Variants in BCOR observed in about 807,000 individuals in gnomAD.
BCOR encodes the protein BCL6 corepressor.
In BCOR, 10 loss-of-function variants were observed where a neutral mutation model predicts 86.7. The observed-to-expected ratio is 0.12, with a 90% confidence interval of 0.07 to 0.20. The LOEUF is 0.20. BCOR is among the 10% of genes least tolerant of loss of function. The probability of loss-of-function intolerance (pLI) is 1.00; values close to 1 mark genes in which losing one functional copy is unlikely to be tolerated. For synonymous variants in BCOR, 611 were observed against 609.0 expected, an observed-to-expected ratio of 1.00 and a Z score of -0.05; for missense variants, 1,259 against 1,452.1, an observed-to-expected ratio of 0.87 and a Z score of 2.16.
intron 14 of BCOR, 66 bp from the exon 15 acceptor site, chrX:40,052,466 A>G: frequency 9.4e-7 from 1 of 1,069,347 alleles, no homozygotes; most frequent in Admixed American, 2.3e-5. Flanking sequence ...AACTATTAAT[A>G]TTAACTACCA....
At chrX:40,154,359 C>T (rs1411421632) in intron 1 of BCOR, among the ~76,000 whole-genome samples, 1 of 111,244 alleles carries the variant, frequency 9.0e-6, no homozygotes, top group Non-Finnish European at 1.9e-5. Flanking sequence ...GCTTGATGTG[C>T]CCGCGGAGCG....
At chrX:40,108,822 T>C (rs1840974988) in intron 1 of BCOR, among the ~76,000 whole-genome samples, 1 of 113,033 alleles carries the variant, frequency 8.8e-6, no homozygotes, top group African/African-American at 3.2e-5. Flanking sequence ...GGCACCCTCT[T>C]CCCTCAGCCC....
chrX:40,076,862 C>G (rs746106583), intron 2 of BCOR: 1 of 327,891 alleles, frequency 3.0e-6, no homozygotes, highest in Non-Finnish European at 5.8e-6. Flanking sequence ...CCAATCGGAG[C>G]TCGGCTGTCC....
intron 3 of BCOR, 113 bp from the exon 4 acceptor site, chrX:40,075,293 G>A (rs1935747731): frequency 2.4e-6 from 1 of 421,877 alleles, no homozygotes; most frequent in Non-Finnish European, 3.9e-6. Flanking sequence ...AAGCACAAAG[G>A]GTTAAAGACA....
intron 1 of BCOR, among the ~76,000 whole-genome samples, chrX:40,109,979 C>A (rs1418874107): frequency 8.9e-6 from 1 of 112,245 alleles, no homozygotes; most frequent in Non-Finnish European, 1.9e-5. Flanking sequence ...CGGGGACGGC[C>A]GGGTCCCCGG....
At chrX:40,075,372 C>T (rs1935756849) in intron 3 of BCOR, among the ~76,000 whole-genome samples, 192 bp from the exon 4 acceptor site, 1 of 111,401 alleles carries the variant, frequency 9.0e-6, no homozygotes, top group African/African-American at 3.3e-5. Flanking sequence ...TTGCTGCCTG[C>T]CTTCTCACCT....
In BCOR at chrX:40,074,780, A is replaced by C. The variant is rs1935706236; in HGVS notation, c.566T>G (p.Leu189Arg). Residue 189 changes from leucine (L) to arginine (R), a missense_variant, in exon 4 of 15, where the codon CTG becomes CGG. Physicochemically the swap from Leu to Arg is moderately radical, Grantham distance 102. Around this residue, in one of 7 missense-constraint regions of BCOR, gnomAD observed 174 missense variants for 189.3 expected, o/e 0.92. Coordinates refer to ENST00000378444, the MANE Select transcript of BCOR (RefSeq NM_001123385.2). ...CTCCATGTAAGGATTGACCCAGGGC[A>C]GCCGCAGATAACTAGCACCATTGAT... ...LNINGASYLRLPWVNPYMEGA... is the reference protein window; with the variant it reads ...LNINGASYLRRPWVNPYMEGA... The C allele has an allele frequency of 8.3e-7, 1 of 1,210,064 alleles. No homozygotes were observed. Among genetic ancestry groups the C allele is most frequent in the Admixed American group, 2.2e-5 (1 of 45,849 alleles).
At chrX:40,113,668 A>G (rs950317451) in intron 1 of BCOR, among the ~76,000 whole-genome samples, 3 of 111,302 alleles carry the variant, frequency 2.7e-5, no homozygotes, top group Non-Finnish European at 5.7e-5. Context: ...ATCAGTGTGC[A>G]GCGATGTACA....
chrX:40,128,558 T>C (rs1470626665), intron 1 of BCOR, among the ~76,000 whole-genome samples: 2 of 111,641 alleles, frequency 1.8e-5, no homozygotes, highest in Non-Finnish European at 3.8e-5. Flanking sequence ...AAAAAAAGAA[T>C]ATTGGGGAAA....
intron 1 of BCOR, among the ~76,000 whole-genome samples, chrX:40,080,837 T>C (rs1171592185): frequency 3.0e-5 from 3 of 100,774 alleles, no homozygotes; most frequent in East Asian, 6.2e-4. Context: ...TGTGTGTGTG[T>C]GTGTGTGTGT....
intron 6 of BCOR, among the ~76,000 whole-genome samples, chrX:40,065,542 C>T (rs773766261): frequency 2.7e-5 from 3 of 112,527 alleles, no homozygotes; most frequent in African/African-American, 9.7e-5. Context: ...ACCCTGTGCT[C>T]GGCCTATCAC....
chrX:40,098,428 C>T (rs919469928), upstream of BCOR, among the ~76,000 whole-genome samples: 13 of 111,118 alleles, frequency 1.2e-4, no homozygotes, highest in Admixed American at 2.8e-4. Flanking sequence ...ACTTGGGCGG[C>T]GGCGGCGGCG....
chrX:40,152,334 C>T (rs1020417181), intron 1 of BCOR, among the ~76,000 whole-genome samples: 9 of 111,119 alleles, frequency 8.1e-5, no homozygotes, highest in Admixed American at 7.5e-4. Flanking sequence ...GCCATTGTTA[C>T]GGGGAGGGGT....
At chrX:40,093,808 C>T (rs1407047518) in intron 1 of BCOR, among the ~76,000 whole-genome samples, 1 of 111,835 alleles carries the variant, frequency 8.9e-6, no homozygotes, top group Admixed American at 9.4e-5. Context: ...CAGACCTTCC[C>T]GTCCTTGAAC....
rs757308049 is a variant in BCOR at position 40,055,488 on chromosome X, C to T, written c.4621G>A (p.Asp1541Asn). Residue 1541 changes from aspartate to asparagine, a missense_variant, in exon 12 of 15, where the codon GAT becomes AAT. By Grantham distance (23) the Asp-to-Asn change is conservative (BLOSUM62 1). Transcript: ENST00000378444. ...AGTAGTCGGACAATTTCCAAGTGAT[C>T]GTTCTCAACAGCATCGTGCAGAGGC... is the stretch of plus-strand genomic sequence containing the variant. Reference protein sequence around the residue: ...TRPLHDAVENDHLEIVRLLLS... With the variant: ...TRPLHDAVENNHLEIVRLLLS... 5 of 1,211,608 alleles carry T rather than the reference C, an allele frequency of 4.1e-6. No individual in the cohort carries two copies. Among genetic ancestry groups the T allele is most frequent in the South Asian group, 1.8e-5 (1 of 56,964 alleles).
chrX:40,133,939 G>A (rs892098945), intron 1 of BCOR, among the ~76,000 whole-genome samples: 1 of 110,962 alleles, frequency 9.0e-6, no homozygotes, highest in Non-Finnish European at 1.9e-5. Flanking sequence ...GAGATAAGGC[G>A]TAAAGTCATT....
rs1938552980 is a variant in BCOR, at chrX:40,168,587, G to A, written c.-41+8420C>T. ...TCCTGTTGCTCGAGGCCTCGGGGGT[G>A]CTCCGGCGGTGCGCGCACACCTCAC... On this transcript the variant is annotated intron_variant, in intron 1 of 14. Transcript: ENST00000342274. Among the ~76,000 whole-genome samples the A allele has an allele frequency of 1.8e-5, 2 of 112,444 alleles. 1 individual carries two copies. The highest frequency in any genetic ancestry group is 7.3e-4 in the South Asian group (2 of 2,738).
intron 1 of BCOR, among the ~76,000 whole-genome samples, chrX:40,138,862 T>A (rs763728512): frequency 2.7e-4 from 30 of 111,461 alleles, no homozygotes; most frequent in Non-Finnish European, 4.7e-4. Context: ...GCCCAGGCAC[T>A]ATTTTACATG....
At position 40,077,899 on chromosome X, in the gene BCOR, C is replaced by T. The variant is rs772165033; in HGVS notation, c.31G>A (p.Val11Ile). Residue 11 changes from valine (V) to isoleucine (I), a missense_variant, in exon 2 of 15, where the codon GTT (valine) becomes ATT (isoleucine). Val to Ile is a conservative substitution (Grantham distance 29). Transcript: ENST00000378444. MLSATPLYGN[V>I]HSWMNSERVR... ...CTCTCGCTGTTCATCCAGCTGTGAA[C>T]GTTCCCATACAGGGGGGTTGCTGAG... The T allele has an allele frequency of 8.3e-7, 1 of 1,211,929 alleles. No individual in the cohort carries two copies. Among genetic ancestry groups the T allele is most frequent in the South Asian group, 1.8e-5 (1 of 57,028 alleles).
Sources: allele counts gnomAD v4.1 joint callset (sites outside exome capture counted in the v4.1 genomes callset), GRCh38; gene constraint gnomAD v4.1.1; regional missense constraint gnomAD v4.1.1; transcripts MANE v1.5; gene names NCBI Gene and HGNC (gene_info 2026-07-23, HGNC 2026-07-21).